The following STPG2 variants were observed in gnomAD, a reference collection of about 807,000 sequenced individuals.
The protein encoded by STPG2 is sperm-tail PG-rich repeat-containing protein 2.
STPG2 carries 56 observed loss-of-function variants against 54.2 expected under a neutral mutation model. That is an observed-to-expected ratio of 1.03 (90% CI 0.83 to 1.29). The LOEUF is 1.29. Among genes scored for constraint, STPG2 ranks in the 50% most tolerant of loss-of-function variants. STPG2 has a pLI of 0.00. For missense variants in STPG2, 596 were observed against 544.9 expected, an observed-to-expected ratio of 1.09 and a Z score of -0.93; for synonymous variants, 200 against 181.8, an observed-to-expected ratio of 1.10 and a Z score of -0.81.
At chr4:97,467,264 ATAAAT>A (rs1729809915) in intron 4 of STPG2, among the ~76,000 whole-genome samples, 1 of 151,950 alleles carries the variant, frequency 6.6e-6, no homozygotes, top group African/African-American at 2.4e-5. Context: ...TTATCATTTG[ATAAAT>A]TAAAATGTTA....
At chr4:97,500,727 G>T (rs1284090709) in intron 4 of STPG2, among the ~76,000 whole-genome samples, 1 of 152,020 alleles carries the variant, frequency 6.6e-6, no homozygotes, top group Non-Finnish European at 1.5e-5. Flanking sequence ...GTTAAATATT[G>T]CTAATTAATA....
At chr4:97,754,893 T>C (rs1725684007) in intron 9 of STPG2, among the ~76,000 whole-genome samples, 1 of 152,112 alleles carries the variant, frequency 6.6e-6, no homozygotes, top group African/African-American at 2.4e-5. Flanking sequence ...TGGAAATCAT[T>C]GAGGCCATCC....
At chr4:97,693,257 A>G (rs1723437275) in intron 10 of STPG2, among the ~76,000 whole-genome samples, 1 of 152,156 alleles carries the variant, frequency 6.6e-6, no homozygotes, top group African/African-American at 2.4e-5. Context: ...AAGTTACAGA[A>G]TGGCAGAATG....
intron 10 of STPG2, among the ~76,000 whole-genome samples, chr4:97,640,324 T>C (rs1248484964): frequency 6.6e-6 from 1 of 152,032 alleles, no homozygotes; most frequent in Non-Finnish European, 1.5e-5. Flanking sequence ...AAATGCATTG[T>C]TGAAAGAAGT....
At chr4:98,130,693 C>T (rs549693563) in intron 2 of STPG2, among the ~76,000 whole-genome samples, 18 of 151,888 alleles carry the variant, frequency 1.2e-4, no homozygotes, top group Middle Eastern at 3.4e-3. Flanking sequence ...GAGGCCGAGG[C>T]GGGTGGATCA....
intron 4 of STPG2, among the ~76,000 whole-genome samples, chr4:97,478,788 C>T (rs1730141623): frequency 6.6e-6 from 1 of 151,594 alleles, no homozygotes; most frequent in African/African-American, 2.4e-5. Flanking sequence ...TATCGCTAGA[C>T]TTACCATACA....
intron 10 of STPG2, among the ~76,000 whole-genome samples, chr4:97,615,199 A>G (rs115446629): frequency 7.4e-4 from 112 of 152,194 alleles, no homozygotes; most frequent in African/African-American, 2.7e-3. Context: ...CTCTTTTTAA[A>G]CTGATGACTT....
At chr4:98,110,283 C>T (rs1739308668) in intron 3 of STPG2, among the ~76,000 whole-genome samples, 3 of 152,032 alleles carry the variant, frequency 2.0e-5, no homozygotes, top group Admixed American at 2.0e-4. Context: ...GGCAGTCTCC[C>T]AAGAGAAAAA....
At chr4:97,969,474 C>T (rs1734242094) in intron 7 of STPG2, among the ~76,000 whole-genome samples, 1 of 152,134 alleles carries the variant, frequency 6.6e-6, no homozygotes, top group Non-Finnish European at 1.5e-5. Context: ...TTGGCAGCAT[C>T]ACAGGACCAA....
chr4:97,987,858 C>T (rs113158945), intron 5 of STPG2, among the ~76,000 whole-genome samples: 1,792 of 152,084 alleles, frequency 0.012, 31 homozygotes, highest in African/African-American at 0.041. Flanking sequence ...TTAAAAGTCC[C>T]CTAACTGTCC....
At chr4:98,045,854 G>A (rs541083524) in intron 5 of STPG2, among the ~76,000 whole-genome samples, 3 of 151,930 alleles carry the variant, frequency 2.0e-5, no homozygotes, top group African/African-American at 7.2e-5. Flanking sequence ...ATTTTATTTG[G>A]TGTCCTTTGG....
At chr4:97,912,400 C>T (rs945648044) in intron 8 of STPG2, among the ~76,000 whole-genome samples, 1 of 152,122 alleles carries the variant, frequency 6.6e-6, no homozygotes, top group East Asian at 1.9e-4. Flanking sequence ...TGTAACCCAA[C>T]ACAAAGAAGC....
intron 8 of STPG2, among the ~76,000 whole-genome samples, chr4:97,863,899 C>A (rs956544851): frequency 1.3e-5 from 2 of 149,990 alleles, no homozygotes; most frequent in Non-Finnish European, 3.0e-5. Flanking sequence ...AAAATTCAGC[C>A]CTTCATGCTA....
chr4:97,967,152 G>C (rs1232150246), intron 7 of STPG2, among the ~76,000 whole-genome samples: 4 of 144,428 alleles, frequency 2.8e-5, no homozygotes, highest in Non-Finnish European at 6.0e-5. Flanking sequence ...CAAAATAAAG[G>C]GATGGAGGAA....
chr4:97,907,710 G>A (rs1247483866), intron 8 of STPG2, among the ~76,000 whole-genome samples: 14 of 152,022 alleles, frequency 9.2e-5, no homozygotes, highest in Non-Finnish European at 1.6e-4. Flanking sequence ...CAGAAATAAC[G>A]CCACTTATCT....
intron 4 of STPG2, among the ~76,000 whole-genome samples, chr4:97,533,352 C>T (rs1210903401): frequency 1.3e-5 from 2 of 151,966 alleles, no homozygotes; most frequent in Non-Finnish European, 1.5e-5. Flanking sequence ...TATCAAACTC[C>T]TTATGGAATG....
At chr4:97,723,459 C>A (rs774044071) in intron 9 of STPG2, among the ~76,000 whole-genome samples, 1 of 152,072 alleles carries the variant, frequency 6.6e-6, no homozygotes, top group Non-Finnish European at 1.5e-5. Context: ...TGCAAGTGTA[C>A]CCACTGAATC....
intron 2 of STPG2, 57 bp from the exon 3 acceptor site, chr4:98,128,649 A>T (rs1247510440): frequency 2.9e-6 from 4 of 1,374,096 alleles, no homozygotes; most frequent in Middle Eastern, 3.8e-4. Flanking sequence ...GGGAATGAAG[A>T]ACCAAATATT....
intron 10 of STPG2, among the ~76,000 whole-genome samples, chr4:97,657,026 C>A (rs993741515): frequency 2.6e-5 from 4 of 151,838 alleles, no homozygotes; most frequent in African/African-American, 9.7e-5. Flanking sequence ...ATAGTTTAAA[C>A]TGTTACTGTC....
Sources: allele counts gnomAD v4.1 joint callset (sites outside exome capture counted in the v4.1 genomes callset), GRCh38; gene constraint gnomAD v4.1.1; transcripts MANE v1.5; gene names NCBI Gene and HGNC (gene_info 2026-07-23, HGNC 2026-07-21).